SCAPER: variants seen among roughly 807,000 people sequenced by gnomAD.
The protein encoded by SCAPER is S phase cyclin A-associated protein in the endoplasmic reticulum.
A neutral mutation model predicts 182.2 loss-of-function variants in SCAPER; 98 were observed. That is an observed-to-expected ratio of 0.54 (90% CI 0.46 to 0.64). SCAPER has a LOEUF of 0.64. SCAPER is among the 30% of genes least tolerant of loss of function. The pLI is 0.00. For missense variants in SCAPER, 1,432 were observed against 1,690.0 expected (o/e 0.85, Z 2.68); for synonymous variants, 605 against 564.6 (o/e 1.07, Z -1.01).
intron 29 of SCAPER, among the ~76,000 whole-genome samples, chr15:76,371,774 C>T (rs929381172): frequency 5.3e-5 from 8 of 151,582 alleles, no homozygotes; most frequent in Non-Finnish European, 1.0e-4. Context: ...CAAAATTAGC[C>T]GGGCGTGGTG....
At position 76,728,578 on chromosome 15, in the gene SCAPER, G is replaced by C; in HGVS notation, c.2165+17C>G. 6.2e-7 allele frequency: 1 copy of C among 1,612,904 alleles called. No individual in the cohort carries two copies. Among genetic ancestry groups the C allele is most frequent in the Non-Finnish European group, 8.5e-7 (1 of 1,179,326 alleles). On this transcript the variant is annotated intron_variant, in intron 17 of 31. Transcript: ENST00000563290. ...TCACTCAGTGCAAAATGTTCATCAAGATAGCAAATGAGATACCTAGCTCTT... is the reference window on the plus strand; with the variant it reads ...TCACTCAGTGCAAAATGTTCATCAACATAGCAAATGAGATACCTAGCTCTT...
intron 15 of SCAPER, among the ~76,000 whole-genome samples, chr15:76,739,635 A>C (rs991087744): frequency 1.2e-4 from 18 of 152,238 alleles, no homozygotes; most frequent in African/African-American, 4.3e-4. Context: ...ACAACAGTAC[A>C]CAATCTGAAA....
At chr15:76,638,921 A>G (rs2053870697) in intron 21 of SCAPER, among the ~76,000 whole-genome samples, 1 of 152,230 alleles carries the variant, frequency 6.6e-6, no homozygotes, top group South Asian at 2.1e-4. Flanking sequence ...CAACCATTTT[A>G]CAGATGAGGA....
intron 22 of SCAPER, among the ~76,000 whole-genome samples, chr15:76,592,003 T>C (rs2049149910): frequency 6.6e-6 from 1 of 152,162 alleles, no homozygotes; most frequent in Non-Finnish European, 1.5e-5. Context: ...GAGGCTGCAG[T>C]GAGCTGATAT....
At chr15:76,894,555 G>A (rs920719754) in intron 1 of SCAPER, among the ~76,000 whole-genome samples, 2 of 151,904 alleles carry the variant, frequency 1.3e-5, no homozygotes, top group African/African-American at 2.4e-5. Flanking sequence ...AATAATAACA[G>A]AGCAAAAATC....
intron 14 of SCAPER, among the ~76,000 whole-genome samples, chr15:76,759,460 C>G (rs185341964): frequency 4.6e-5 from 7 of 152,170 alleles, no homozygotes; most frequent in African/African-American, 1.4e-4. Flanking sequence ...CAATAAGAAC[C>G]CACTTCCACA....
At chr15:76,750,526 C>G (rs1468053694) in intron 15 of SCAPER, among the ~76,000 whole-genome samples, 2 of 151,822 alleles carry the variant, frequency 1.3e-5, no homozygotes, top group East Asian at 3.8e-4. Flanking sequence ...TGCAAAAACT[C>G]TCAACAAAAT....
At chr15:76,444,450 CCT>C (rs1263127555) in intron 25 of SCAPER, among the ~76,000 whole-genome samples, 1 of 151,932 alleles carries the variant, frequency 6.6e-6, no homozygotes, top group Admixed American at 6.6e-5. Context: ...ACAAGTTTTC[CCT>C]CTCTCCTCAC....
intron 25 of SCAPER, among the ~76,000 whole-genome samples, chr15:76,441,638 C>A (rs2047609789): frequency 6.6e-6 from 1 of 152,172 alleles, no homozygotes; most frequent in African/African-American, 2.4e-5. Flanking sequence ...CAGGTAACCT[C>A]ATGACTAATT....
intron 6 of SCAPER, among the ~76,000 whole-genome samples, chr15:76,803,865 T>C (rs2065955134): frequency 6.6e-6 from 1 of 151,882 alleles, no homozygotes; most frequent in African/African-American, 2.4e-5. Context: ...ATGTACTTCA[T>C]GAAGGCAGGG....
intron 28 of SCAPER, chr15:76,379,814 T>G (rs1183955672): frequency 6.6e-6 from 1 of 152,110 alleles, no homozygotes; most frequent in African/African-American, 2.4e-5. Flanking sequence ...TGGTGCGCCT[T>G]TGTGAGTGAG....
intron 26 of SCAPER, among the ~76,000 whole-genome samples, chr15:76,406,615 TACACACACACACACACACACAC>T (rs36219509): frequency 6.0e-5 from 9 of 149,594 alleles, no homozygotes; most frequent in Non-Finnish European, 1.2e-4. Context: ...AGACCCTGTC[TACACACACACACACACACACAC>T]ACACACACAC....
At chr15:76,766,259 G>A (rs1238184178) in intron 11 of SCAPER, among the ~76,000 whole-genome samples, 1 of 152,040 alleles carries the variant, frequency 6.6e-6, no homozygotes, top group Non-Finnish European at 1.5e-5. Flanking sequence ...ACCACGCCCA[G>A]CTAATTTTTG....
chr15:76,585,083 C>G (rs1311480242), intron 22 of SCAPER, among the ~76,000 whole-genome samples: 2 of 152,156 alleles, frequency 1.3e-5, no homozygotes, highest in Non-Finnish European at 2.9e-5. Context: ...TACTTGAATT[C>G]TGGCTCCAGC....
chr15:76,561,484 A>AT (rs974155753), intron 23 of SCAPER, among the ~76,000 whole-genome samples: 3 of 151,722 alleles, frequency 2.0e-5, no homozygotes, highest in South Asian at 2.1e-4. Context: ...GATTATAAAA[A>AT]TTTTTTTTTA....
At chr15:76,853,024 T>C (rs1002343464) in intron 4 of SCAPER, among the ~76,000 whole-genome samples, 1 of 151,924 alleles carries the variant, frequency 6.6e-6, no homozygotes. Flanking sequence ...GAAATAAAAA[T>C]AACCATCAGA....
chr15:76,860,783 A>C (rs978302993), intron 3 of SCAPER, among the ~76,000 whole-genome samples: 7 of 152,342 alleles, frequency 4.6e-5, no homozygotes, highest in Middle Eastern at 3.4e-3. Context: ...AAAATTTTAA[A>C]TAAAATAAAA....
chr15:76,699,406 A>C (rs2058813596), intron 20 of SCAPER, among the ~76,000 whole-genome samples: 1 of 152,182 alleles, frequency 6.6e-6, no homozygotes, highest in Non-Finnish European at 1.5e-5. Context: ...GGGTTGTCAT[A>C]GATGGCTCTT....
intron 17 of SCAPER, among the ~76,000 whole-genome samples, chr15:76,712,250 A>G (rs1302333039): frequency 1.3e-5 from 2 of 152,030 alleles, no homozygotes; most frequent in Non-Finnish European, 2.9e-5. Context: ...GTAGTTGTAG[A>G]TATGCGGCGT....
Sources: allele counts gnomAD v4.1 joint callset (sites outside exome capture counted in the v4.1 genomes callset), GRCh38; gene constraint gnomAD v4.1.1; transcripts MANE v1.5; gene names NCBI Gene and HGNC (gene_info 2026-07-23, HGNC 2026-07-21).